Variants in SPINK8 observed in about 807,000 individuals in gnomAD.
SPINK8 encodes the protein serine protease inhibitor Kazal-type 8.
SPINK8 carries 12 observed loss-of-function variants against 14.4 expected under a neutral mutation model. The ratio of observed to expected loss-of-function variants is 0.83; its 90% CI spans 0.53 to 1.35. The LOEUF (loss-of-function observed/expected upper bound fraction) is 1.35, where lower values mean the gene tolerates loss of function less well. SPINK8 is among the 40% of genes most tolerant of loss of function. SPINK8 has a pLI of 0.00. For synonymous variants in SPINK8, 32 were observed against 37.6 expected, an observed-to-expected ratio of 0.85 and a Z score of 0.55; for missense variants, 103 against 117.0, an observed-to-expected ratio of 0.88 and a Z score of 0.55.
intron 6 of SPINK8, among the ~76,000 whole-genome samples, chr3:48,316,802 A>G (rs748691490): frequency 9.2e-5 from 14 of 152,144 alleles, no homozygotes; most frequent in Non-Finnish European, 1.6e-4. Context: ...AAAGAAAAAT[A>G]AAAAAAGAAA....
intron 4 of SPINK8, among the ~76,000 whole-genome samples, chr3:48,326,614 A>G (rs2036144944): frequency 6.6e-6 from 1 of 151,938 alleles, no homozygotes; most frequent in Middle Eastern, 3.2e-3. Context: ...CTCAAGAAAA[A>G]AAAAAAAGGT....
chr3:48,332,960 A>C (rs6775817), intron 1 of SPINK8, among the ~76,000 whole-genome samples: 1,712 of 149,214 alleles, frequency 0.011, 34 homozygotes, highest in African/African-American at 0.04. Context: ...GAATATTGGC[A>C]CTCTTTGGTT....
chr3:48,331,795 G>A (rs1192749068), intron 2 of SPINK8, among the ~76,000 whole-genome samples: 2 of 152,168 alleles, frequency 1.3e-5, no homozygotes, highest in African/African-American at 2.4e-5. Context: ...AGGACCCCTC[G>A]GATAGTGACA....
At chr3:48,328,218 C>G (rs1160354775) in intron 4 of SPINK8, 57 bp downstream of exon 4, 1 of 1,413,340 alleles carries the variant, frequency 7.1e-7, no homozygotes, top group African/African-American at 1.4e-5. Context: ...CTCTAATCTT[C>G]CCATGATTCT....
At chr3:48,315,306 C>T (rs1010846658) in intron 6 of SPINK8, among the ~76,000 whole-genome samples, 3 of 152,052 alleles carry the variant, frequency 2.0e-5, no homozygotes, top group African/African-American at 7.3e-5. Flanking sequence ...AGTCATGGCA[C>T]GTACAAAGGA....
intron 1 of SPINK8, among the ~76,000 whole-genome samples, 169 bp downstream of exon 1, chr3:48,333,366 T>G (rs1389161225): frequency 6.6e-6 from 1 of 151,970 alleles, no homozygotes; most frequent in Non-Finnish European, 1.5e-5. Flanking sequence ...TTAGGGGCGT[T>G]TTTGCCTGGG....
At chr3:48,318,718 A>G (rs1007616604) in intron 6 of SPINK8, among the ~76,000 whole-genome samples, 6 of 152,246 alleles carry the variant, frequency 3.9e-5, no homozygotes, top group African/African-American at 1.4e-4. Context: ...ATCCTGATCA[A>G]GAAGATTCTT....
At chr3:48,312,634 C>A (rs2035936514) in intron 6 of SPINK8, among the ~76,000 whole-genome samples, 1 of 151,656 alleles carries the variant, frequency 6.6e-6, no homozygotes, top group African/African-American at 2.4e-5. Flanking sequence ...CAAAGTGAGA[C>A]CCTGTCTCAA....
intron 2 of SPINK8, among the ~76,000 whole-genome samples, chr3:48,331,335 T>C (rs1575348489): frequency 6.6e-6 from 1 of 152,318 alleles, no homozygotes; most frequent in Non-Finnish European, 1.5e-5. Flanking sequence ...GGGGTCCTTC[T>C]ATAAGCCTTT....
chr3:48,323,374 C>T (rs146022062), intron 4 of SPINK8, among the ~76,000 whole-genome samples: 107 of 152,276 alleles, frequency 7.0e-4, no homozygotes, highest in African/African-American at 2.4e-3. Context: ...TCTGGGATTA[C>T]AGGCATGAGC....
chr3:48,333,090 G>A (rs1371667731), intron 1 of SPINK8, among the ~76,000 whole-genome samples: 4 of 152,176 alleles, frequency 2.6e-5, no homozygotes, highest in Non-Finnish European at 5.9e-5. Flanking sequence ...AGGGCTTCCT[G>A]TAGGGCATAA....
intron 4 of SPINK8, among the ~76,000 whole-genome samples, chr3:48,325,717 T>C (rs188404965): frequency 1.1e-3 from 172 of 151,744 alleles, no homozygotes; most frequent in African/African-American, 4.0e-3. Context: ...TTCAGCCTCC[T>C]GAGATGGGAG....
chr3:48,321,089 C>A lies in SPINK8; in HGVS notation c.68-15G>T. 6.4e-7 allele frequency: 1 copy of A among 1,569,786 alleles called. No homozygotes were observed. Among genetic ancestry groups the A allele is most frequent in the Non-Finnish European group, 8.6e-7 (1 of 1,156,192 alleles). On this transcript the variant is annotated splice_polypyrimidine_tract_variant and intron_variant, in intron 4 of 7. Coordinates refer to ENST00000434006, the MANE Select transcript of SPINK8 (RefSeq NM_001080525.3). ...AAGGGGGAAGTCTGGAAGACAAAAG[C>A]ACATACAGAAAAGTTGCTTCTCTGT...
intron 2 of SPINK8, among the ~76,000 whole-genome samples, chr3:48,330,907 C>T (rs987661151): frequency 3.3e-5 from 5 of 151,764 alleles, no homozygotes; most frequent in Non-Finnish European, 5.9e-5. Flanking sequence ...CTGACAACTG[C>T]TCTAACTGCT....
At chr3:48,325,207 A>G (rs1575346247) in intron 4 of SPINK8, among the ~76,000 whole-genome samples, 2 of 152,226 alleles carry the variant, frequency 1.3e-5, no homozygotes, top group Middle Eastern at 6.8e-3. Flanking sequence ...TATAAAGCAT[A>G]TAGTTGGATG....
rs1316959495 is a variant in SPINK8, at chr3:48,328,259, A to G, written c.67+16T>C. On this transcript the variant is annotated intron_variant, in intron 4 of 7. Coordinates refer to ENST00000434006, the MANE Select transcript of SPINK8 (RefSeq NM_001080525.3). ...TACTGCAGAAAATGTGGGCAGAGCA[A>G]GGACACATAACTCACCAATTGCAAA... 2 of 1,605,076 alleles carry G rather than the reference A, an allele frequency of 1.2e-6. No homozygotes were observed. The highest frequency in any genetic ancestry group is 1.7e-6 in the Non-Finnish European group (2 of 1,175,010).
intron 4 of SPINK8, among the ~76,000 whole-genome samples, chr3:48,325,847 C>T (rs2036133127): frequency 6.6e-6 from 1 of 152,030 alleles, no homozygotes; most frequent in Admixed American, 6.6e-5. Flanking sequence ...ATCTGCCCGC[C>T]TTGGCCTCCC....
rs1023617913 is a variant in SPINK8 at position 48,309,812 on chromosome 3, C to G, written c.282+92G>C. ...ACTTTTATGTATGTTTGAAAATGTT[C>G]ATAACAAAACATTTAAAACCCTCTA... On this transcript the variant is annotated intron_variant, in intron 7 of 7. Coordinates refer to ENST00000434006, the MANE Select transcript of SPINK8 (RefSeq NM_001080525.3). The G allele has an allele frequency of 5.9e-6, 8 of 1,355,978 alleles. No homozygotes were observed. In the African/African-American group the frequency reaches 1.2e-4, roughly 21 times the overall value. The allele number at this position is 1,355,978 out of a possible 1,614,324, so 84.0% of individuals were successfully genotyped here. A position where few individuals can be genotyped will look rare whatever the true frequency, so the allele number is the denominator to read the frequency against.
chr3:48,320,720 G>C (rs1193266425), intron 5 of SPINK8, among the ~76,000 whole-genome samples: 1 of 152,152 alleles, frequency 6.6e-6, no homozygotes, highest in Admixed American at 6.5e-5. Context: ...GGTGGAAACA[G>C]TATCCACTGT....
Sources: gnomAD v4.1 joint callset for allele counts (sites outside exome capture counted in the v4.1 genomes callset) on GRCh38, gnomAD v4.1.1 for gene constraint, MANE v1.5 for transcripts, NCBI Gene and HGNC (gene_info 2026-07-23, HGNC 2026-07-21) for gene names.